STRIP2: variants seen among roughly 807,000 people sequenced by gnomAD.
The protein encoded by STRIP2 is striatin interacting protein 2.
In STRIP2, 84 loss-of-function variants were observed where a neutral mutation model predicts 107.1. The observed-to-expected ratio is 0.78, with a 90% CI of 0.66 to 0.94. The LOEUF is 0.94. Ranked by LOEUF, STRIP2 falls within the 40% of genes least tolerant of loss-of-function variation. STRIP2 has a pLI of 0.00. For missense variants in STRIP2, 888 were observed against 1,034.2 expected, an observed-to-expected ratio of 0.86 and a Z score of 1.94; for synonymous variants, 394 against 400.4, an observed-to-expected ratio of 0.98 and a Z score of 0.19.
At chr7:129,459,081 C>T (rs1218220892) in intron 11 of STRIP2, among the ~76,000 whole-genome samples, 4 of 152,158 alleles carry the variant, frequency 2.6e-5, no homozygotes, top group African/African-American at 7.2e-5. Flanking sequence ...TTCTGTGGGC[C>T]CTTCCTGCTC....
In STRIP2 at chr7:129,462,974, G is replaced by C. The variant is rs774709000; in HGVS notation, c.1485G>C (p.Glu495Asp). The C allele has an allele frequency of 6.2e-7, 1 of 1,614,008 alleles. No homozygotes were observed. The highest frequency in any genetic ancestry group is 1.1e-5 in the South Asian group (1 of 91,070). ...LEKCPMSLGE[E>D]VVPETPCEIL... ...TGTATTTCTTGCCATAGGGGGAAGA[G>C]GTGGTACCAGAGACGCCATGTGAAA... The change falls in exon 14 of 21, where the codon GAG (glutamate) becomes GAC (aspartate). Residue 495 changes from glutamate to aspartate, a missense_variant. Coordinates refer to ENST00000249344, the MANE Select transcript of STRIP2 (RefSeq NM_020704.3).
intron 18 of STRIP2, among the ~76,000 whole-genome samples, chr7:129,475,717 C>T (rs572054182): frequency 2.0e-5 from 3 of 151,876 alleles, no homozygotes; most frequent in Admixed American, 6.6e-5. Context: ...TGCGGCCTAC[C>T]GCAGTGTTTG....
intron 8 of STRIP2, among the ~76,000 whole-genome samples, chr7:129,455,898 TG>T (rs1365723703): frequency 2.6e-5 from 4 of 152,198 alleles, no homozygotes; most frequent in Admixed American, 1.3e-4. Context: ...CTTCCCAAAA[TG>T]TTGGGATTAC....
chr7:129,482,375 A>ATTT lies in STRIP2; in HGVS notation c.2050-466_2050-465insTTT, dbSNP rs1325271361. On this transcript the variant is annotated intron_variant, in intron 19 of 20. Transcript: ENST00000249344. ...TCTCTCTATATATATATATATATATATATTTTTTTTTTTTTTTTTTGAGAC... is the reference window on the plus strand; with the variant it reads ...TCTCTCTATATATATATATATATATATTTTATTTTTTTTTTTTTTTTTTGAGAC... 1.2e-3 allele frequency among the ~76,000 whole-genome samples: 94 copies of ATTT among 80,094 alleles called. 3 individuals carry two copies. The highest frequency in any genetic ancestry group is 1.1e-3 in the Non-Finnish European group (49 of 44,448). The allele number at this position is 80,094 out of a possible 152,430, so 52.5% of individuals were successfully genotyped here.
chr7:129,467,308 C>G, intron 16 of STRIP2, 42 bp from the exon 17 acceptor site: 1 of 1,404,396 alleles, frequency 7.1e-7, no homozygotes, highest in Non-Finnish European at 1.0e-6. Flanking sequence ...TTTCCATTCT[C>G]CTCCAAATAA....
At chr7:129,485,518 T>A in intron 20 of STRIP2, 61 bp from the exon 21 acceptor site, 2 of 1,585,566 alleles carry the variant, frequency 1.3e-6, no homozygotes, top group Non-Finnish European at 1.7e-6. Context: ...GACCATGCTC[T>A]GTGATAAGAG....
At chr7:129,464,817 C>G in intron 16 of STRIP2, 79 bp downstream of exon 16, 1 of 1,568,878 alleles carries the variant, frequency 6.4e-7, no homozygotes, top group Non-Finnish European at 8.7e-7. Flanking sequence ...TGCAAAGTCC[C>G]TTTTAATCCT....
chr7:129,482,373 ATATATTT>A (rs1485916689), intron 19 of STRIP2, among the ~76,000 whole-genome samples: 2 of 84,618 alleles, frequency 2.4e-5, no homozygotes, highest in East Asian at 7.9e-4. Flanking sequence ...ATATATATAT[ATATATTT>A]TTTTTTTTTT....
Position 129,482,883 on chromosome 7 carries a change from C to T in STRIP2, c.2091C>T (p.Ala697=). The T allele has an allele frequency of 6.2e-7, 1 of 1,614,076 alleles. No individual in the cohort carries two copies. The highest frequency in any genetic ancestry group is 1.3e-5 in the African/African-American group (1 of 74,994). ...AATCGGCACCAATCTTAAAGCGGGC[C>T]CTCAAGGTCAAACAGGCCATGCTGC... The part of the protein sequence containing the change: ...VFKSAPILKR[A]LKVKQAMLQL... The change falls in exon 20 of 21, where the codon GCC becomes GCT. Residue 697 remains alanine (A), a synonymous_variant. Transcript: ENST00000249344.
chr7:129,457,427 T>C (rs1798395828), intron 9 of STRIP2, among the ~76,000 whole-genome samples: 1 of 152,228 alleles, frequency 6.6e-6, no homozygotes, highest in Non-Finnish European at 1.5e-5. Flanking sequence ...CAGTCCATTG[T>C]TGACTGAAGC....
intron 18 of STRIP2, among the ~76,000 whole-genome samples, chr7:129,472,272 T>C (rs914553887): frequency 4.6e-5 from 7 of 152,216 alleles, no homozygotes; most frequent in African/African-American, 7.2e-5. Context: ...CTTCCTATAA[T>C]GTGTTTTTTA....
intron 8 of STRIP2, 105 bp from the exon 9 acceptor site, chr7:129,456,334 A>G: frequency 1.1e-6 from 1 of 941,916 alleles, no homozygotes; most frequent in Non-Finnish European, 1.6e-6. Context: ...GTCTGAAGGG[A>G]CTGGAGGTTG....
chr7:129,485,739 T>G lies in STRIP2; in HGVS notation c.2415T>G (p.Pro805=). The change falls in exon 21 of 21, where the codon CCT becomes CCG. Residue 805 remains proline (P), a synonymous_variant. Transcript: ENST00000249344. ...QSVLGQRLDL[P]EDFHYSYELW... ...TACTGGGGCAGAGGTTGGATCTGCC[T>G]GAAGATTTCCACTATTCATATGAGC... 1 of 1,614,218 alleles carries G rather than the reference T, an allele frequency of 6.2e-7. No individual in the cohort carries two copies. The highest frequency in any genetic ancestry group is 8.5e-7 in the Non-Finnish European group (1 of 1,180,036).
At chr7:129,473,974 C>T (rs1321817237) in intron 18 of STRIP2, among the ~76,000 whole-genome samples, 1 of 152,170 alleles carries the variant, frequency 6.6e-6, no homozygotes, top group Non-Finnish European at 1.5e-5. Flanking sequence ...ACCTCAGCCT[C>T]CCAAAGTGTT....
At chr7:129,480,641 C>A in intron 18 of STRIP2, 144 bp from the exon 19 acceptor site, 1 of 630,628 alleles carries the variant, frequency 1.6e-6, no homozygotes, top group Non-Finnish European at 2.7e-6. Flanking sequence ...TTGGAGACTT[C>A]AGTGTGTTAA....
chr7:129,464,155 C>A lies in STRIP2; in HGVS notation c.1649+14C>A. ...TGAGGAGATGCCGTGAGTGCTTCAA[C>A]GGGGGCAGCTGCTGGATACTAGCTG... On this transcript the variant is annotated intron_variant, in intron 15 of 20. Coordinates refer to ENST00000249344, the MANE Select transcript of STRIP2 (RefSeq NM_020704.3). 1 of 1,589,174 alleles carries A rather than the reference C, an allele frequency of 6.3e-7. No individual in the cohort carries two copies. The highest frequency in any genetic ancestry group is 1.1e-5 in the South Asian group (1 of 90,550).
chr7:129,441,800 GA>G (rs1797905603), intron 2 of STRIP2, among the ~76,000 whole-genome samples: 1 of 151,952 alleles, frequency 6.6e-6, no homozygotes, highest in Non-Finnish European at 1.5e-5. Context: ...ATCTTTTGTA[GA>G]AACAGAGTCT....
In STRIP2 at chr7:129,472,133, C is replaced by T. The variant is rs142108839; in HGVS notation, c.1944+1418C>T. Among the ~76,000 whole-genome samples the T allele has an allele frequency of 2.2e-4, 33 of 152,150 alleles. No homozygotes were observed. In the East Asian group the frequency reaches 6.2e-3, roughly 28 times the overall value. On this transcript the variant is annotated intron_variant, in intron 18 of 20. Coordinates refer to ENST00000249344, the MANE Select transcript of STRIP2 (RefSeq NM_020704.3). Reference sequence around the variant, plus strand: ...AAGTCAGGGTAGAGAGACATGTATCCCCTGCCATTCAGAGTTGGAATGAAG... The same window carrying T: ...AAGTCAGGGTAGAGAGACATGTATCTCCTGCCATTCAGAGTTGGAATGAAG...
At chr7:129,456,875 A>G (rs1798373968) in intron 9 of STRIP2, among the ~76,000 whole-genome samples, 1 of 152,092 alleles carries the variant, frequency 6.6e-6, no homozygotes. Context: ...ATATATAGCC[A>G]TGTCTTGCTA....
Sources: gnomAD v4.1 joint callset for allele counts (sites outside exome capture counted in the v4.1 genomes callset) on GRCh38, gnomAD v4.1.1 for gene constraint, MANE v1.5 for transcripts, NCBI Gene and HGNC (gene_info 2026-07-23, HGNC 2026-07-21) for gene names.